Variants in CDKL5 observed in about 807,000 individuals in gnomAD.
CDKL5 encodes the protein cyclin dependent kinase like 5.
CDKL5 carries 8 observed loss-of-function variants against 61.7 expected under a neutral mutation model. That is an observed-to-expected ratio of 0.13 (90% CI 0.08 to 0.23). CDKL5 has a LOEUF of 0.23. CDKL5 is among the 10% of genes least tolerant of loss of function. CDKL5 has a pLI of 1.00. For synonymous variants in CDKL5, 275 were observed against 272.3 expected, an observed-to-expected ratio of 1.01 and a Z score of -0.10; for missense variants, 440 against 734.5, an observed-to-expected ratio of 0.60 and a Z score of 4.63.
rs1380613582 is a variant in CDKL5 at position 18,637,009 on chromosome X, G to A, written c.*8252G>A. On this transcript the variant is annotated 3_prime_UTR_variant, in exon 18 of 18. Coordinates refer to ENST00000623535, the MANE Select transcript of CDKL5 (RefSeq NM_001323289.2). ...GTGGTGGCTCACGCCTGTAATCCCA[G>A]CACTGTGGGAGACTGAGACGGGCAG... is the stretch of plus-strand genomic sequence containing the variant. The A allele has an allele frequency of 8.9e-6, 1 of 112,373 alleles. No individual in the cohort carries two copies. Among genetic ancestry groups the A allele is most frequent in the Non-Finnish European group, 1.9e-5 (1 of 53,338 alleles). The allele number at this position is 112,373 out of a possible 1,213,427, so 9.3% of individuals were successfully genotyped here.
At chrX:18,479,656 TCTC>T (rs776026787) in intron 1 of CDKL5, among the ~76,000 whole-genome samples, 1 of 111,500 alleles carries the variant, frequency 9.0e-6, no homozygotes, top group East Asian at 2.8e-4. Flanking sequence ...TGTTCTTTCT[TCTC>T]CTCTGGTATT....
intron 1 of CDKL5, among the ~76,000 whole-genome samples, chrX:18,454,603 C>T (rs1361916227): frequency 9.0e-6 from 1 of 110,525 alleles, no homozygotes; most frequent in Non-Finnish European, 1.9e-5. Context: ...GTCTCCCAGG[C>T]TGGAGCGCAG....
At chrX:18,504,990 T>C (rs975153349) in intron 1 of CDKL5, among the ~76,000 whole-genome samples, 2 of 111,223 alleles carry the variant, frequency 1.8e-5, no homozygotes, top group Non-Finnish European at 3.8e-5. Context: ...ACTTCTTGTT[T>C]AGATTTGTTT....
At position 18,638,203 on chromosome X, in the gene CDKL5, C is replaced by T. The variant is rs2147185657; in HGVS notation, c.*9446C>T. On this transcript the variant is annotated 3_prime_UTR_variant, in exon 18 of 18. Coordinates refer to ENST00000623535, the MANE Select transcript of CDKL5 (RefSeq NM_001323289.2). ...TACCTTTGCTTTGTCCAAGTAACCT[C>T]CTCCCACACAGAGTACCCGAATCAG... 1 of 111,878 alleles carries T rather than the reference C, an allele frequency of 8.9e-6. No homozygotes were observed. The highest frequency in any genetic ancestry group is 3.3e-5 in the African/African-American group (1 of 30,750). The allele number at this position is 111,878 out of a possible 1,213,427, so 9.2% of individuals were successfully genotyped here.
At chrX:18,539,846 A>G (rs930457863) in intron 3 of CDKL5, among the ~76,000 whole-genome samples, 2 of 111,814 alleles carry the variant, frequency 1.8e-5, no homozygotes, top group Admixed American at 1.9e-4. Flanking sequence ...ATTAAAATAT[A>G]CATTTGTATT....
chrX:18,538,672 T>C (rs1470625676), intron 3 of CDKL5, among the ~76,000 whole-genome samples: 1 of 112,240 alleles, frequency 8.9e-6, no homozygotes, highest in Non-Finnish European at 1.9e-5. Flanking sequence ...TCCAGCACCA[T>C]TCATTGAAAA....
chrX:18,509,196 C>T (rs1328973951), intron 2 of CDKL5, among the ~76,000 whole-genome samples: 1 of 65,235 alleles, frequency 1.5e-5, no homozygotes, highest in Admixed American at 1.8e-4. Flanking sequence ...TCTCAAAACA[C>T]GCACACACAC....
intron 3 of CDKL5, among the ~76,000 whole-genome samples, chrX:18,537,439 A>G (rs1407361705): frequency 8.9e-6 from 1 of 112,239 alleles, no homozygotes; most frequent in Non-Finnish European, 1.9e-5. Context: ...AACATCTTGC[A>G]TAATTACAGT....
At chrX:18,651,262 T>TGA (rs1338222386) in intron 21 of CDKL5, among the ~76,000 whole-genome samples, 394 of 77,725 alleles carry the variant, frequency 5.1e-3, no homozygotes, top group Middle Eastern at 0.022. Context: ...TGTGTGTGTG[T>TGA]GTGAGAGAGA....
At chrX:18,536,274 C>T (rs1005281365) in intron 3 of CDKL5, among the ~76,000 whole-genome samples, 12 of 110,416 alleles carry the variant, frequency 1.1e-4, no homozygotes, top group African/African-American at 3.0e-4. Context: ...ACTTAGCAGA[C>T]ACAAAGACAT....
intron 1 of CDKL5, among the ~76,000 whole-genome samples, chrX:18,498,847 G>A (rs777663444): frequency 3.6e-5 from 4 of 111,132 alleles, no homozygotes; most frequent in South Asian, 3.8e-4. Flanking sequence ...GTGCAGTGGC[G>A]CCATTTGGCT....
At chrX:18,527,611 G>C (rs1305070874) in intron 3 of CDKL5, among the ~76,000 whole-genome samples, 1 of 108,332 alleles carries the variant, frequency 9.2e-6, no homozygotes, top group Non-Finnish European at 1.9e-5. Context: ...AATAATTTGT[G>C]TTTTTTTTTC....
chrX:18,471,287 A>T (rs1341634085), intron 1 of CDKL5, among the ~76,000 whole-genome samples: 3 of 111,885 alleles, frequency 2.7e-5, no homozygotes, highest in Admixed American at 9.5e-5. Flanking sequence ...GGGTAAATGG[A>T]GTATTCATTA....
At chrX:18,556,158 T>C (rs1380010400) in intron 3 of CDKL5, among the ~76,000 whole-genome samples, 1 of 112,157 alleles carries the variant, frequency 8.9e-6, no homozygotes, top group African/African-American at 3.2e-5. Context: ...TAAATACTTT[T>C]GGACTAAGTT....
In CDKL5 at chrX:18,630,648, T is replaced by C. The variant is rs193053868; in HGVS notation, c.*1891T>C. 2.7e-6 allele frequency: 2 copies of C among 733,059 alleles called. No homozygotes were observed. The highest frequency in any genetic ancestry group is 1.8e-4 in the Admixed American group (2 of 11,095). The allele number at this position is 733,059 out of a possible 1,213,427, so 60.4% of individuals were successfully genotyped here. On this transcript the variant is annotated 3_prime_UTR_variant, in exon 18 of 18. Coordinates refer to ENST00000623535, the MANE Select transcript of CDKL5 (RefSeq NM_001323289.2). The stretch of plus-strand genomic sequence containing the variant: ...TATAAATACTATAATGTGTATTGAT[T>C]ATATAGATAGGTCATTTTAAGGTGC...
chrX:18,504,727 C>T (rs1602229320), intron 1 of CDKL5, among the ~76,000 whole-genome samples: 2 of 109,957 alleles, frequency 1.8e-5, no homozygotes, highest in South Asian at 3.9e-4. Flanking sequence ...GTCAGGAGAG[C>T]GAGACCATCC....
At chrX:18,507,636 A>G (rs1401633482) in intron 2 of CDKL5, among the ~76,000 whole-genome samples, 1 of 109,972 alleles carries the variant, frequency 9.1e-6, no homozygotes, top group Non-Finnish European at 1.9e-5. Context: ...CAGTGGCATG[A>G]TCTCGGCTCA....
At chrX:18,599,466 T>G (rs1252440165) in intron 11 of CDKL5, among the ~76,000 whole-genome samples, 1 of 112,528 alleles carries the variant, frequency 8.9e-6, no homozygotes, top group Non-Finnish European at 1.9e-5. Context: ...TTTTTAGTTT[T>G]TTTAGAGACA....
At chrX:18,514,757 A>G (rs1922952873) in intron 3 of CDKL5, among the ~76,000 whole-genome samples, 1 of 109,426 alleles carries the variant, frequency 9.1e-6, no homozygotes, top group Non-Finnish European at 1.9e-5. Flanking sequence ...CCCTGCAGAT[A>G]TGCATAGTTA....
Sources: gnomAD v4.1 joint callset for allele counts (sites outside exome capture counted in the v4.1 genomes callset) on GRCh38, gnomAD v4.1.1 for gene constraint, MANE v1.5 for transcripts, NCBI Gene and HGNC (gene_info 2026-07-23, HGNC 2026-07-21) for gene names.